Variants in FN1 observed in about 807,000 individuals in gnomAD.
The protein encoded by FN1 is fibronectin 1, also known as fibronectin.
A neutral mutation model predicts 297.3 loss-of-function variants in FN1; 106 were observed. The ratio of observed to expected loss-of-function variants is 0.36; its 90% CI spans 0.30 to 0.42. The LOEUF is 0.42. FN1 is among the 10% of genes least tolerant of loss of function. The probability of loss-of-function intolerance (pLI) is 1.00; values close to 1 mark genes in which losing one functional copy is unlikely to be tolerated. For missense variants in FN1, 2,690 were observed against 3,124.9 expected (o/e 0.86, Z 3.32); for synonymous variants, 1,149 against 1,152.6 (o/e 1.00, Z 0.06).
intron 2 of FN1, among the ~76,000 whole-genome samples, chr2:215,433,695 T>C (rs983972486): frequency 2.0e-5 from 3 of 152,364 alleles, no homozygotes; most frequent in Admixed American, 6.5e-5. Flanking sequence ...TAGAAAAATC[T>C]CAGGCTCTTA....
At chr2:215,411,791 C>T (rs1292018385) in intron 13 of FN1, among the ~76,000 whole-genome samples, 2 of 151,782 alleles carry the variant, frequency 1.3e-5, no homozygotes, top group Admixed American at 6.6e-5. Context: ...CTCAGCTTCC[C>T]GAGTAGCTGG....
chr2:215,361,751 T>G (rs2053490395), intron 45 of FN1, 125 bp from the exon 46 acceptor site: 2 of 1,009,986 alleles, frequency 2.0e-6, no homozygotes, highest in African/African-American at 3.2e-5. Flanking sequence ...TCTTCCTAGT[T>G]TCAAGAACCT....
At position 215,407,122 on chromosome 2, in the gene FN1, G is replaced by T; in HGVS notation, c.2713+5C>A. ...ACATAGGAAGTGTCTTCTTAAAAAA[G>T]TTACCTGAGCGTGGGGTGCCAGTGG... On this transcript the variant is annotated splice_donor_5th_base_variant and intron_variant, in intron 18 of 45. Transcript: ENST00000354785. 1 of 1,612,238 alleles carries T rather than the reference G, an allele frequency of 6.2e-7. No homozygotes were observed. The highest frequency in any genetic ancestry group is 8.5e-7 in the Non-Finnish European group (1 of 1,178,476).
At chr2:215,376,805 A>G (rs2057357225) in intron 35 of FN1, 131 bp from the exon 36 acceptor site, 1 of 749,170 alleles carries the variant, frequency 1.3e-6, no homozygotes, top group South Asian at 1.6e-5. Flanking sequence ...TAATGTGTAG[A>G]TTATCTCCTT....
At chr2:215,427,524 A>G (rs1048528652) in intron 6 of FN1, among the ~76,000 whole-genome samples, 1 of 152,230 alleles carries the variant, frequency 6.6e-6, no homozygotes, top group Non-Finnish European at 1.5e-5. Context: ...TGTTTTTTAA[A>G]AAGAATGCTT....
At chr2:215,385,211 CATTTT>C (rs1288090824) in intron 28 of FN1, among the ~76,000 whole-genome samples, 1 of 132,502 alleles carries the variant, frequency 7.5e-6, no homozygotes, top group African/African-American at 2.9e-5. Flanking sequence ...TTTCCCTCAA[CATTTT>C]ATTTGGAAAA....
At chr2:215,434,553 T>C in intron 2 of FN1, 143 bp downstream of exon 2, 3 of 972,530 alleles carry the variant, frequency 3.1e-6, no homozygotes, top group Non-Finnish European at 4.9e-6. Flanking sequence ...AAAGCAAATA[T>C]AAGCAGTTTT....
intron 38 of FN1, among the ~76,000 whole-genome samples, chr2:215,373,835 C>A (rs1400116270): frequency 6.6e-6 from 1 of 151,962 alleles, no homozygotes; most frequent in East Asian, 1.9e-4. Flanking sequence ...CCCATCACCA[C>A]GCCTGGCTAA....
chr2:215,421,543 A>AG (rs1197858484), intron 10 of FN1, among the ~76,000 whole-genome samples: 9 of 152,232 alleles, frequency 5.9e-5, no homozygotes, highest in African/African-American at 2.4e-5. Context: ...TTAATAGCTC[A>AG]GGGTTCTCCC....
chr2:215,404,271 G>T, intron 20 of FN1, 118 bp downstream of exon 20: 1 of 1,099,314 alleles, frequency 9.1e-7, no homozygotes, highest in Non-Finnish European at 1.3e-6. Flanking sequence ...TAGTATCACT[G>T]ATTTAAATTA....
rs902894823 is a variant in FN1, at chr2:215,424,049, G to C, written c.1216+97C>G. The C allele has an allele frequency of 4.1e-6, 5 of 1,218,090 alleles. No individual in the cohort carries two copies. In the East Asian group the frequency reaches 1.2e-4, roughly 28 times the overall value. The allele number at this position is 1,218,090 out of a possible 1,614,324, so 75.5% of individuals were successfully genotyped here. A position where few individuals can be genotyped will look rare whatever the true frequency, so the allele number is the denominator to read the frequency against. On this transcript the variant is annotated intron_variant, in intron 8 of 45. Coordinates refer to ENST00000354785, the MANE Select transcript of FN1 (RefSeq NM_212482.4). ...AACTGAACAAAAGCGATGCTTCTTGGGCGGGTTCAAAATAAATGGCTAGAA... is the reference window on the plus strand; with the variant it reads ...AACTGAACAAAAGCGATGCTTCTTGCGCGGGTTCAAAATAAATGGCTAGAA...
chr2:215,361,871 TTAA>T, intron 45 of FN1, 95 bp downstream of exon 45: 11 of 1,483,196 alleles, frequency 7.4e-6, no homozygotes, highest in Non-Finnish European at 9.1e-6. Context: ...GTTTTTTTTT[TTAA>T]TTAATTAAAA....
chr2:215,382,732 A>G (rs17515300), intron 31 of FN1, among the ~76,000 whole-genome samples: 4,220 of 152,310 alleles, frequency 0.028, 86 homozygotes, highest in Non-Finnish European at 0.042. Context: ...CTTAGTGTGA[A>G]TGATAAACAA....
Position 215,388,308 on chromosome 2 carries a change from G to A in FN1, c.4253-7C>T, listed in dbSNP as rs1490947741. The A allele has an allele frequency of 2.5e-6, 4 of 1,597,902 alleles. No homozygotes were observed. Among genetic ancestry groups the A allele is most frequent in the Non-Finnish European group, 2.6e-6 (3 of 1,165,452 alleles). On this transcript the variant is annotated splice_polypyrimidine_tract_variant and splice_region_variant and intron_variant, in intron 26 of 45. Coordinates refer to ENST00000354785, the MANE Select transcript of FN1 (RefSeq NM_212482.4). ...TCTGTACCAGGCAGGAGATCTGTAG[G>A]GGCAAATGGGGCTTATTTTAAAACT...
chr2:215,433,650 CAT>C (rs1158453260), intron 2 of FN1, among the ~76,000 whole-genome samples, 189 bp from the exon 3 acceptor site: 1 of 152,164 alleles, frequency 6.6e-6, no homozygotes, highest in Non-Finnish European at 1.5e-5. Flanking sequence ...TTGACCTTGA[CAT>C]ATTGTCAAAT....
In FN1 at chr2:215,435,544, G is replaced by A. The variant is rs528958223; in HGVS notation, c.148+111C>T. The A allele has an allele frequency of 4.2e-5, 62 of 1,485,642 alleles. No individual in the cohort carries two copies. The East Asian group carries it at 1.3e-3, about 31-fold the overall frequency. The allele number at this position is 1,485,642 out of a possible 1,614,324, so 92.0% of individuals were successfully genotyped here. A position where few individuals can be genotyped will look rare whatever the true frequency, so the allele number is the denominator to read the frequency against. ...TGCACAGCTGGTTTCTCTCAGTAAA[G>A]CGCGCACACACTCGCACACACGCGC... On this transcript the variant is annotated intron_variant, in intron 1 of 45. Coordinates refer to ENST00000354785, the MANE Select transcript of FN1 (RefSeq NM_212482.4).
chr2:215,375,447 T>C, intron 37 of FN1, 54 bp from the exon 38 acceptor site: 1 of 1,522,052 alleles, frequency 6.6e-7, no homozygotes. Flanking sequence ...AGAAAATTAC[T>C]CCCACACTTT....
In FN1 at chr2:215,375,619, G is replaced by A. The variant is rs1371923820; in HGVS notation, c.5977+10C>T. 6.3e-7 allele frequency: 1 copy of A among 1,578,856 alleles called. No individual in the cohort carries two copies. Among genetic ancestry groups the A allele is most frequent in the African/African-American group, 1.3e-5 (1 of 74,190 alleles). On this transcript the variant is annotated intron_variant, in intron 37 of 45. Coordinates refer to ENST00000354785, the MANE Select transcript of FN1 (RefSeq NM_212482.4). ...GTCAATGGCATTTCCTCAGTAGAAG[G>A]TATAGTTACCAGTGGAGGCGTCGAT...
chr2:215,376,699 T>C, intron 35 of FN1, 25 bp from the exon 36 acceptor site: 1 of 1,609,876 alleles, frequency 6.2e-7, no homozygotes, highest in Non-Finnish European at 8.5e-7. Context: ...AGCTAGAGAT[T>C]AGTGCCTGCT....
Sources: allele counts gnomAD v4.1 joint callset (sites outside exome capture counted in the v4.1 genomes callset), GRCh38; gene constraint gnomAD v4.1.1; transcripts MANE v1.5; gene names NCBI Gene and HGNC (gene_info 2026-07-23, HGNC 2026-07-21).